Variants in UBR2 observed in about 807,000 individuals in gnomAD.
UBR2 encodes the protein ubiquitin protein ligase E3 component n-recognin 2, also known as E3 ubiquitin-protein ligase UBR2.
A neutral mutation model predicts 247.9 loss-of-function variants in UBR2; 92 were observed. The ratio of observed to expected loss-of-function variants is 0.37; its 90% CI spans 0.31 to 0.44. UBR2 has a LOEUF of 0.44. UBR2 is among the 20% of genes least tolerant of loss of function. The pLI is 1.00. For missense variants in UBR2, 1,613 were observed against 2,112.6 expected, an observed-to-expected ratio of 0.76 and a Z score of 4.64; for synonymous variants, 672 against 693.5, an observed-to-expected ratio of 0.97 and a Z score of 0.49.
chr6:42,678,780 T>A (rs2295153), intron 41 of UBR2, 111 bp downstream of exon 41: 1,098,565 of 1,210,884 alleles, frequency 0.91, 499,243 homozygotes, highest in East Asian at 1. Flanking sequence ...AAGAATAGCT[T>A]ATTGACTATG....
rs1300207900 is a variant in UBR2 at position 42,619,432 on chromosome 6, TATATATATATATATATA to T, written c.1281+1926_1281+1942del. ...ATGAACATATATATATATATATATA[TATATATATATATATATA>T]TATATTTTTTTTTTTTAGTTCTCTA... On this transcript the variant is annotated intron_variant, in intron 11 of 46. Coordinates refer to ENST00000372901, the MANE Select transcript of UBR2 (RefSeq NM_001363705.2). The T allele has an allele frequency of 7.6e-4, 15 of 19,736 alleles. 1 individual carries two copies. Among genetic ancestry groups the T allele is most frequent in the East Asian group, 5.8e-3 (3 of 518 alleles). 1.2% of individuals were successfully genotyped at this position (19,736 alleles called of 1,614,324 possible).
intron 3 of UBR2, among the ~76,000 whole-genome samples, chr6:42,593,811 T>C (rs533590552): frequency 1.3e-5 from 2 of 152,294 alleles, no homozygotes; most frequent in African/African-American, 4.8e-5. Flanking sequence ...AGACAGCAAC[T>C]AGAGGAATCT....
chr6:42,605,946 T>C (rs1043077131), intron 6 of UBR2, 87 bp downstream of exon 6: 1 of 1,188,154 alleles, frequency 8.4e-7, no homozygotes, highest in Non-Finnish European at 1.2e-6. Context: ...GTTAAAGATA[T>C]ATATATCTAG....
chr6:42,589,840 T>C (rs1425025038), intron 2 of UBR2, among the ~76,000 whole-genome samples: 5 of 152,322 alleles, frequency 3.3e-5, no homozygotes, highest in Non-Finnish European at 7.3e-5. Flanking sequence ...ATGTTAGCTG[T>C]TACTGGCATA....
At chr6:42,662,942 A>G (rs1797900055) in intron 31 of UBR2, among the ~76,000 whole-genome samples, 1 of 151,814 alleles carries the variant, frequency 6.6e-6, no homozygotes, top group African/African-American at 2.4e-5. Flanking sequence ...CTCAAAAACA[A>G]CAACAACAAC....
chr6:42,679,673 G>T, intron 41 of UBR2, 51 bp from the exon 42 acceptor site: 1 of 1,335,048 alleles, frequency 7.5e-7, no homozygotes. Flanking sequence ...CTCTCATGCA[G>T]AATATGCCCT....
At chr6:42,635,695 C>T (rs913124878) in intron 14 of UBR2, 149 bp downstream of exon 14, 36 of 951,896 alleles carry the variant, frequency 3.8e-5, no homozygotes, top group Middle Eastern at 2.5e-4. Context: ...CCTATAAACT[C>T]AGTAAAATTT....
intron 2 of UBR2, among the ~76,000 whole-genome samples, chr6:42,588,367 A>G (rs1792429953): frequency 6.6e-6 from 1 of 152,096 alleles, no homozygotes; most frequent in South Asian, 2.1e-4. Context: ...AGTTCATTAA[A>G]CTTTGTCGAA....
At chr6:42,688,113 C>A (rs2151997808) in intron 44 of UBR2, 103 bp from the exon 45 acceptor site, 2 of 1,374,278 alleles carry the variant, frequency 1.5e-6, no homozygotes, top group Middle Eastern at 1.9e-4. Context: ...ACTTCTTTGG[C>A]TTTACTTGAT....
chr6:42,572,097 A>C (rs976594261), intron 1 of UBR2, among the ~76,000 whole-genome samples: 3 of 151,938 alleles, frequency 2.0e-5, no homozygotes, highest in Non-Finnish European at 4.4e-5. Flanking sequence ...GCCACCAGGG[A>C]AGAAATGCTG....
At chr6:42,599,064 A>G (rs1193989875) in intron 4 of UBR2, among the ~76,000 whole-genome samples, 3 of 152,102 alleles carry the variant, frequency 2.0e-5, no homozygotes, top group Non-Finnish European at 4.4e-5. Context: ...GCTGGGATGT[A>G]GATGTATTCT....
chr6:42,635,452 A>G lies in UBR2; in HGVS notation c.1580A>G (p.His527Arg), dbSNP rs1198910861. ...MDPITRQVGQHIEMEPEWEAA... is the reference protein window; with the variant it reads ...MDPITRQVGQRIEMEPEWEAA... ...CCAATTACACGTCAAGTAGGACAAC[A>G]TATTGAAATGGAACCAGAGTGGGAA... The change falls in exon 14 of 47, where the codon CAT becomes CGT. Residue 527 changes from histidine (H) to arginine (R), a missense_variant. By Grantham distance (29) the His-to-Arg change is conservative. Transcript: ENST00000372901. 3.1e-6 allele frequency: 5 copies of G among 1,613,958 alleles called. No individual in the cohort carries two copies. Among genetic ancestry groups the G allele is most frequent in the Non-Finnish European group, 4.2e-6 (5 of 1,179,862 alleles).
At chr6:42,607,253 C>T (rs892619377) in intron 7 of UBR2, among the ~76,000 whole-genome samples, 4 of 151,216 alleles carry the variant, frequency 2.6e-5, no homozygotes, top group Non-Finnish European at 5.9e-5. Context: ...CTGCAACTTC[C>T]TCTGCCTCCT....
Position 42,670,174 on chromosome 6 carries a change from A to C in UBR2, c.3964A>C (p.Asn1322His). The change falls in exon 35 of 47, where the codon AAT becomes CAT. Residue 1322 changes from asparagine (N) to histidine (H), a missense_variant. Transcript: ENST00000372901. ...CAAGGTGGGACTAAAGGTTCATCCC[A>C]ATGAAGAGGATCCTCGTGTTCCCAT... ...TYKVGLKVHP[N>H]EEDPRVPIMC... 6.2e-7 allele frequency: 1 copy of C among 1,614,192 alleles called. No homozygotes were observed. The highest frequency in any genetic ancestry group is 8.5e-7 in the Non-Finnish European group (1 of 1,180,028).
At chr6:42,568,684 C>G (rs543437913) in intron 1 of UBR2, among the ~76,000 whole-genome samples, 4 of 151,852 alleles carry the variant, frequency 2.6e-5, no homozygotes, top group Non-Finnish European at 4.4e-5. Context: ...GAGTCAAGAT[C>G]GCGCCACTGC....
chr6:42,615,182 A>G lies in UBR2; in HGVS notation c.1093+4A>G. On this transcript the variant is annotated splice_donor_region_variant and intron_variant, in intron 9 of 46. Coordinates refer to ENST00000372901, the MANE Select transcript of UBR2 (RefSeq NM_001363705.2). ...AGTGATTCCAAATTATGGAAAGGTGAATCTCTTAACTACTTTTAAGGTGTA... is the reference window on the plus strand; with the variant it reads ...AGTGATTCCAAATTATGGAAAGGTGGATCTCTTAACTACTTTTAAGGTGTA... 1 of 1,608,036 alleles carries G rather than the reference A, an allele frequency of 6.2e-7. No individual in the cohort carries two copies. Among genetic ancestry groups the G allele is most frequent in the African/African-American group, 1.3e-5 (1 of 74,888 alleles).
chr6:42,577,834 C>T (rs1019316165), intron 2 of UBR2, among the ~76,000 whole-genome samples: 1 of 151,676 alleles, frequency 6.6e-6, no homozygotes, highest in African/African-American at 2.4e-5. Flanking sequence ...CTTATGCTGC[C>T]ATCAGGAGTA....
intron 45 of UBR2, 151 bp downstream of exon 45, chr6:42,688,537 C>G: frequency 1.1e-6 from 1 of 872,918 alleles, no homozygotes; most frequent in South Asian, 1.7e-5. Flanking sequence ...CGCCTCACAT[C>G]TCACATCTGG....
chr6:42,642,475 G>C lies in UBR2; in HGVS notation c.2091G>C (p.Met697Ile), dbSNP rs1313730282. 1 of 1,610,000 alleles carries C rather than the reference G, an allele frequency of 6.2e-7. No individual in the cohort carries two copies. The highest frequency in any genetic ancestry group is 1.1e-5 in the South Asian group (1 of 90,846). Residue 697 changes from methionine to isoleucine, a missense_variant, in exon 18 of 47, where the codon ATG (methionine) becomes ATC (isoleucine). Met to Ile is a conservative substitution (Grantham distance 10). Around this residue, in one of 3 missense-constraint regions of UBR2, gnomAD observed 1,524 missense variants for 1,967.3 expected, o/e 0.77. Coordinates refer to ENST00000372901, the MANE Select transcript of UBR2 (RefSeq NM_001363705.2). ...AGATGTTTGACAAGGATGTAGTAAT[G>C]CTTCAGGTAATGAATTAAAAGCATT... is the stretch of plus-strand genomic sequence containing the variant. ...RREMFDKDVVMLQTGVSMMDP... is the reference protein window; with the variant it reads ...RREMFDKDVVILQTGVSMMDP...
Sources: allele counts gnomAD v4.1 joint callset (sites outside exome capture counted in the v4.1 genomes callset), GRCh38; gene constraint gnomAD v4.1.1; regional missense constraint gnomAD v4.1.1; transcripts MANE v1.5; gene names NCBI Gene and HGNC (gene_info 2026-07-23, HGNC 2026-07-21).